Variants in NAV1 observed in about 807,000 individuals in gnomAD.
The protein encoded by NAV1 is neuron navigator 1, also known as pore membrane and/or filament interacting like protein 3.
Under a neutral mutation model 175.2 loss-of-function variants are expected in NAV1, and 18 were observed. That is an observed-to-expected ratio of 0.10 (90% confidence interval 0.07 to 0.15). The LOEUF (loss-of-function observed/expected upper bound fraction) is 0.15. Ranked by LOEUF, NAV1 falls within the 10% of genes least tolerant of loss-of-function variation. NAV1 has a pLI of 1.00. For synonymous variants in NAV1, 897 were observed against 978.7 expected (o/e 0.92, Z 1.56); for missense variants, 1,731 against 2,436.6 (o/e 0.71, Z 6.10).
At chr1:201,801,915 C>T (rs1186291387) in intron 15 of NAV1, among the ~76,000 whole-genome samples, 2 of 151,800 alleles carry the variant, frequency 1.3e-5, no homozygotes, top group Non-Finnish European at 2.9e-5. Context: ...GCAAGTGGAT[C>T]ACCTGAGGTC....
Position 201,808,437 on chromosome 1 carries a change from C to T in NAV1, c.3865C>T (p.Pro1289Ser). The T allele has an allele frequency of 1.2e-6, 2 of 1,613,320 alleles. No individual in the cohort carries two copies. The highest frequency in any genetic ancestry group is 1.7e-4 in the Middle Eastern group (1 of 6,054). ...TTACAGGGGCCCTGCTCACCCAGCC[C>T]CCCACACTAGGCTGTTCCATGCAAA... The change falls in exon 19 of 30, where the codon CCC becomes TCC. Residue 1289 changes from proline to serine, a missense_variant. Coordinates refer to ENST00000367296, the Ensembl canonical transcript of NAV1. This position sits in a 1 kb window ranked among gnomAD's most constrained non-coding sequence, Gnocchi z 5.5.
At chr1:201,608,769 T>C (rs968552503) in intron 2 of NAV1, among the ~76,000 whole-genome samples, 2 of 152,196 alleles carry the variant, frequency 1.3e-5, no homozygotes, top group African/African-American at 4.8e-5. Context: ...CGCTGGGACC[T>C]TGGGCAGTGG....
At chr1:201,563,213 C>G (rs1281105783) in intron 1 of NAV1, among the ~76,000 whole-genome samples, 1 of 152,128 alleles carries the variant, frequency 6.6e-6, no homozygotes, top group Non-Finnish European at 1.5e-5. Flanking sequence ...GGTCACGCTC[C>G]CCCTGTGCAT....
At chr1:201,669,243 TC>T (rs946006680) in intron 1 of NAV1, among the ~76,000 whole-genome samples, 20 of 152,314 alleles carry the variant, frequency 1.3e-4, no homozygotes, top group African/African-American at 4.3e-4. Context: ...AATCCTCAAC[TC>T]ACATTGGGTA....
intron 3 of NAV1, among the ~76,000 whole-genome samples, chr1:201,742,163 G>A (rs766456188): frequency 2.0e-5 from 3 of 152,210 alleles, no homozygotes; most frequent in Non-Finnish European, 4.4e-5. Context: ...AATTCACAGA[G>A]GGGGAGCTTA....
intron 1 of NAV1, among the ~76,000 whole-genome samples, chr1:201,670,628 T>C (rs1182939963): frequency 6.6e-6 from 1 of 151,596 alleles, no homozygotes; most frequent in Non-Finnish European, 1.5e-5. Flanking sequence ...GCAGTGATGA[T>C]GGTGATGTTT....
At chr1:201,701,009 C>CAAAAAAAAAAAA (rs386369321) in intron 1 of NAV1, among the ~76,000 whole-genome samples, 54 of 52,658 alleles carry the variant, frequency 1.0e-3, no homozygotes, top group East Asian at 3.6e-3. Flanking sequence ...GACTCTGTCT[C>CAAAAAAAAAAAA]AAAAAAAAAA....
At position 201,718,669 on chromosome 1, in the gene NAV1, G is replaced by T. The variant is rs202033586; in HGVS notation, c.1140G>T (p.Ser380=). 5 of 1,614,062 alleles carry T rather than the reference G, an allele frequency of 3.1e-6. No homozygotes were observed. Among genetic ancestry groups the T allele is most frequent in the East Asian group, 2.2e-5 (1 of 44,900 alleles). ...TGGAGCTGGTCGAATCCCTGGACTC[G>T]GATGAGGTGGACCTCAAGTCCGGCT... The change falls in exon 3 of 30, where the codon TCG becomes TCT. Residue 380 remains serine, a synonymous_variant. Coordinates refer to ENST00000367296, the Ensembl canonical transcript of NAV1. The surrounding 1 kb of genome is among the most constrained non-coding windows in gnomAD (Gnocchi z 4.8).
intron 2 of NAV1, among the ~76,000 whole-genome samples, chr1:201,610,236 C>G (rs758439723): frequency 1.2e-4 from 19 of 152,338 alleles, no homozygotes; most frequent in Admixed American, 1.1e-3. Context: ...TAAATCATTT[C>G]TCTTGGCTAA....
In NAV1 at chr1:201,793,266, C is replaced by T. The variant is rs116031896; in HGVS notation, c.3322-526C>T. 570 of 153,520 alleles carry T rather than the reference C, an allele frequency of 3.7e-3. 1 individual carries two copies. The highest frequency in any genetic ancestry group is 5.7e-3 in the Non-Finnish European group (391 of 68,936). The allele number at this position is 153,520 out of a possible 1,614,324, so 9.5% of individuals were successfully genotyped here. A position where few individuals can be genotyped will look rare whatever the true frequency, so the allele number is the denominator to read the frequency against. On this transcript the variant is annotated intron_variant, in intron 13 of 29. Coordinates refer to ENST00000367296, the Ensembl canonical transcript of NAV1. ...TGCAGTTTCCTTCCAGCCTTGCAAA[C>T]CTGGAGAATCCGGGAACAAGGAGCA...
chr1:201,809,156 C>A lies in NAV1; in HGVS notation c.4208-8C>A, dbSNP rs372727338. 1.2e-6 allele frequency: 2 copies of A among 1,613,284 alleles called. No homozygotes were observed. Among genetic ancestry groups the A allele is most frequent in the African/African-American group, 2.7e-5 (2 of 75,024 alleles). On this transcript the variant is annotated splice_polypyrimidine_tract_variant and splice_region_variant and intron_variant, in intron 20 of 29. Transcript: ENST00000367296. ...CTAAAACCAGTTGGTTCTTTTCAAT[C>A]CCCACAGACCTGTCACCCATGGATG...
intron 3 of NAV1, among the ~76,000 whole-genome samples, chr1:201,765,436 C>A (rs543797471): frequency 1.9e-4 from 28 of 145,738 alleles, no homozygotes; most frequent in Non-Finnish European, 3.3e-4. Context: ...GCTCTTTCAC[C>A]CAGGCTGGAA....
intron 28 of NAV1, among the ~76,000 whole-genome samples, chr1:201,814,762 G>C (rs566102193): frequency 3.9e-5 from 6 of 151,954 alleles, no homozygotes; most frequent in Non-Finnish European, 7.4e-5. Flanking sequence ...AAAAAAAGCC[G>C]GGTGCGGTGG....
chr1:201,723,465 T>A (rs1172980484), intron 3 of NAV1: 1 of 152,242 alleles, frequency 6.6e-6, no homozygotes, highest in Non-Finnish European at 1.5e-5. Flanking sequence ...GTTTTTTTCT[T>A]TTGTTGGCTA....
upstream of NAV1, among the ~76,000 whole-genome samples, chr1:201,620,528 G>T (rs560288825): frequency 7.2e-6 from 1 of 137,942 alleles, no homozygotes; most frequent in East Asian, 2.3e-4. Flanking sequence ...GCGCAATCTC[G>T]GTGCACTGCA....
intron 2 of NAV1, among the ~76,000 whole-genome samples, chr1:201,591,122 G>T (rs16849073): frequency 0.048 from 7,357 of 152,194 alleles, 198 homozygotes; most frequent in Middle Eastern, 0.071. Flanking sequence ...TGTCCCAAAG[G>T]AGGCAACACG....
upstream of NAV1, among the ~76,000 whole-genome samples, chr1:201,618,834 G>A (rs2102271024): frequency 6.6e-6 from 1 of 152,252 alleles, no homozygotes; most frequent in Non-Finnish European, 1.5e-5. Context: ...CTCTGTCTAG[G>A]GCAGAAGCAT....
upstream of NAV1, among the ~76,000 whole-genome samples, chr1:201,622,226 G>A (rs1403515897): frequency 6.6e-6 from 1 of 152,114 alleles, no homozygotes; most frequent in Non-Finnish European, 1.5e-5. Flanking sequence ...TGGGGGTGGG[G>A]ACAGCAGGGA....
intron 1 of NAV1, chr1:201,688,464 T>C (rs940738048): frequency 6.6e-6 from 1 of 152,180 alleles, no homozygotes; most frequent in Non-Finnish European, 1.5e-5. Context: ...GAAATGATAA[T>C]ATTTCTCTGA....
Sources: gnomAD v4.1 joint callset for allele counts (sites outside exome capture counted in the v4.1 genomes callset) on GRCh38, gnomAD v4.1.1 for gene constraint, Gnocchi (gnomAD v3.1) non-coding constraint, MANE v1.5 for transcripts, NCBI Gene and HGNC (gene_info 2026-07-23, HGNC 2026-07-21) for gene names.